The following RNF144A variants were observed in gnomAD, a reference collection of about 807,000 sequenced individuals.
RNF144A encodes ring finger protein 144A, also known as E3 ubiquitin-protein ligase RNF144A.
In RNF144A, 11 loss-of-function variants were observed where a neutral mutation model predicts 38.7. The observed-to-expected ratio is 0.28, with a 90% CI of 0.18 to 0.47. RNF144A has a LOEUF of 0.47. RNF144A is among the 20% of genes least tolerant of loss of function. The probability of loss-of-function intolerance (pLI) is 0.99; values close to 1 mark genes in which losing one functional copy is unlikely to be tolerated. For synonymous variants in RNF144A, 149 were observed against 143.9 expected (o/e 1.04, Z -0.25); for missense variants, 316 against 377.2 (o/e 0.84, Z 1.34).
intron 6 of RNF144A, among the ~76,000 whole-genome samples, chr2:7,063,869 T>C (rs1439777799): frequency 1.3e-5 from 2 of 152,270 alleles, no homozygotes; most frequent in East Asian, 1.9e-4. Flanking sequence ...TAGTCCATTT[T>C]CTGTTGCTAT....
chr2:7,026,283 G>A (rs1015586124), intron 7 of RNF144A, among the ~76,000 whole-genome samples: 1 of 152,144 alleles, frequency 6.6e-6, no homozygotes, highest in African/African-American at 2.4e-5. Context: ...ATAGTAGAAC[G>A]TGATGCAGCT....
intron 2 of RNF144A, among the ~76,000 whole-genome samples, chr2:6,975,632 G>A (rs1199691839): frequency 1.3e-5 from 2 of 152,154 alleles, no homozygotes; most frequent in African/African-American, 4.8e-5. Flanking sequence ...AGACCAGCCT[G>A]GGCAACAAGT....
chr2:6,935,918 G>A (rs573650578), intron 1 of RNF144A, among the ~76,000 whole-genome samples: 28 of 152,358 alleles, frequency 1.8e-4, no homozygotes, highest in African/African-American at 5.5e-4. Flanking sequence ...GTCTGGAAGC[G>A]TCTTTGACTT....
At chr2:7,060,315 C>G (rs7423893) in intron 6 of RNF144A, among the ~76,000 whole-genome samples, 15 of 151,144 alleles carry the variant, frequency 9.9e-5, no homozygotes, top group African/African-American at 3.7e-4. Flanking sequence ...GGCTGGCATT[C>G]TGCGTTCCCA....
At chr2:7,027,110 T>C (rs2103440151) in intron 7 of RNF144A, among the ~76,000 whole-genome samples, 1 of 152,246 alleles carries the variant, frequency 6.6e-6, no homozygotes, top group African/African-American at 2.4e-5. Flanking sequence ...CTCTCCTGTT[T>C]CCCCCAAGCG....
chr2:6,928,419 C>T (rs1032664793), intron 1 of RNF144A, among the ~76,000 whole-genome samples: 1 of 152,154 alleles, frequency 6.6e-6, no homozygotes, highest in African/African-American at 2.4e-5. Flanking sequence ...CAGATGGCAC[C>T]GAATGGATCT....
chr2:7,011,644 G>A (rs1387051535), intron 3 of RNF144A, among the ~76,000 whole-genome samples: 1 of 152,224 alleles, frequency 6.6e-6, no homozygotes, highest in Admixed American at 6.5e-5. Flanking sequence ...TATCTATAAT[G>A]AGTGCAGTAG....
chr2:6,918,484 T>C (rs1162203785), intron 1 of RNF144A: 1 of 152,188 alleles, frequency 6.6e-6, no homozygotes, highest in Non-Finnish European at 1.5e-5. Context: ...ATTTTTAAAA[T>C]CCATTGAACT....
intron 3 of RNF144A, among the ~76,000 whole-genome samples, chr2:6,999,818 A>G (rs1434893713): frequency 6.6e-6 from 1 of 152,236 alleles, no homozygotes; most frequent in Admixed American, 6.5e-5. Flanking sequence ...AGCTCTCCCT[A>G]AATGTCTTCT....
intron 2 of RNF144A, among the ~76,000 whole-genome samples, chr2:6,994,969 A>T (rs556704528): frequency 2.6e-5 from 4 of 152,034 alleles, no homozygotes; most frequent in African/African-American, 4.8e-5. Flanking sequence ...GTCCTTCGTC[A>T]TGTGTCACTG....
At chr2:6,936,266 T>C (rs771301) in intron 1 of RNF144A, among the ~76,000 whole-genome samples, 1 of 152,152 alleles carries the variant, frequency 6.6e-6, no homozygotes, top group African/African-American at 2.4e-5. Flanking sequence ...GGTTGTATTT[T>C]ATTGTAGCTC....
intron 2 of RNF144A, among the ~76,000 whole-genome samples, chr2:6,984,519 G>T (rs1668833652): frequency 6.6e-6 from 1 of 152,052 alleles, no homozygotes; most frequent in Non-Finnish European, 1.5e-5. Context: ...GGCCAGGCTG[G>T]TCTCGAGCTC....
chr2:6,974,671 G>A (rs1392885795), intron 2 of RNF144A, among the ~76,000 whole-genome samples: 3 of 152,094 alleles, frequency 2.0e-5, no homozygotes, highest in South Asian at 2.1e-4. Flanking sequence ...ACATTGCCGT[G>A]AGCTGACCAA....
chr2:6,990,669 A>G (rs908461519), intron 2 of RNF144A, among the ~76,000 whole-genome samples: 9 of 152,022 alleles, frequency 5.9e-5, no homozygotes, highest in Non-Finnish European at 1.2e-4. Flanking sequence ...GGGCTTCTGC[A>G]TACAAATTTG....
chr2:6,937,639 T>C (rs1558364242), intron 1 of RNF144A, among the ~76,000 whole-genome samples: 2 of 152,296 alleles, frequency 1.3e-5, no homozygotes, highest in East Asian at 3.9e-4. Flanking sequence ...GAGAATAGAT[T>C]TGCAACAAAG....
intron 6 of RNF144A, among the ~76,000 whole-genome samples, chr2:7,053,267 A>G (rs980366541): frequency 1.3e-5 from 2 of 152,232 alleles, no homozygotes; most frequent in Admixed American, 1.3e-4. Flanking sequence ...ACCGAGTCAG[A>G]ACCTGGATTT....
In RNF144A at chr2:7,043,705, G is replaced by A. The variant is rs1442615852; in HGVS notation, c.*3945G>A. ...CACAACTAGGAGAGCATGCCGTCTT[G>A]ATGTTTAAAAAACCCAGGGTCTCCA... On this transcript the variant is annotated 3_prime_UTR_variant, in exon 9 of 9. Coordinates refer to ENST00000320892, the MANE Select transcript of RNF144A (RefSeq NM_014746.6). 2.0e-6 allele frequency: 2 copies of A among 985,696 alleles called. No homozygotes were observed. The highest frequency in any genetic ancestry group is 1.1e-4 in the East Asian group (1 of 8,834). The allele number at this position is 985,696 out of a possible 1,614,324, so 61.1% of individuals were successfully genotyped here. A position where few individuals can be genotyped will look rare whatever the true frequency, so the allele number is the denominator to read the frequency against.
At chr2:6,956,687 T>G (rs1258092236) in intron 2 of RNF144A, among the ~76,000 whole-genome samples, 3 of 152,212 alleles carry the variant, frequency 2.0e-5, no homozygotes, top group Non-Finnish European at 4.4e-5. Context: ...CCTGTTCTAA[T>G]CTAGTGGCAT....
intron 2 of RNF144A, among the ~76,000 whole-genome samples, chr2:6,969,326 T>A (rs191401543): frequency 6.6e-6 from 1 of 152,258 alleles, no homozygotes; most frequent in East Asian, 1.9e-4. Flanking sequence ...TAACCCAGGA[T>A]GACTGGTGTC....
Sources: gnomAD v4.1 joint callset for allele counts (sites outside exome capture counted in the v4.1 genomes callset) on GRCh38, gnomAD v4.1.1 for gene constraint, MANE v1.5 for transcripts, NCBI Gene and HGNC (gene_info 2026-07-23, HGNC 2026-07-21) for gene names.